The following IL1RAPL1 variants were observed in gnomAD, a reference collection of about 807,000 sequenced individuals.
IL1RAPL1 encodes interleukin-1 receptor accessory protein-like 1.
A neutral mutation model predicts 48.4 loss-of-function variants in IL1RAPL1; 3 were observed. That is an observed-to-expected ratio of 0.06 (90% CI 0.03 to 0.16). The LOEUF (loss-of-function observed/expected upper bound fraction) is 0.16. Among genes scored for constraint, IL1RAPL1 ranks in the 10% least tolerant of loss-of-function variants. The probability of loss-of-function intolerance (pLI) is 1.00; values close to 1 mark genes in which losing one functional copy is unlikely to be tolerated. For synonymous variants in IL1RAPL1, 185 were observed against 187.7 expected, an observed-to-expected ratio of 0.99 and a Z score of 0.12; for missense variants, 349 against 530.6, an observed-to-expected ratio of 0.66 and a Z score of 3.36.
At chrX:29,723,423 A>G (rs1927692653) in intron 6 of IL1RAPL1, among the ~76,000 whole-genome samples, 1 of 111,234 alleles carries the variant, frequency 9.0e-6, no homozygotes, top group Non-Finnish European at 1.9e-5. Context: ...TTATTTTTGT[A>G]TTTTTAGTAG....
At chrX:28,687,829 C>T (rs1252888335) in intron 1 of IL1RAPL1, among the ~76,000 whole-genome samples, 1 of 109,190 alleles carries the variant, frequency 9.2e-6, no homozygotes, top group African/African-American at 3.3e-5. Context: ...AGGGGGTGCG[C>T]GGTGGCTCAC....
At chrX:29,407,656 T>A (rs141606950) in intron 5 of IL1RAPL1, among the ~76,000 whole-genome samples, 2 of 111,891 alleles carry the variant, frequency 1.8e-5, no homozygotes, top group African/African-American at 6.5e-5. Context: ...GTAGGATTTT[T>A]ACCTAGGAAA....
intron 2 of IL1RAPL1, among the ~76,000 whole-genome samples, chrX:29,217,168 G>T (rs1361044775): frequency 8.9e-6 from 1 of 112,063 alleles, no homozygotes; most frequent in Non-Finnish European, 1.9e-5. Flanking sequence ...ATGATGGACT[G>T]CCCTTTTCAA....
intron 6 of IL1RAPL1, among the ~76,000 whole-genome samples, chrX:29,869,281 G>T (rs1378638057): frequency 3.6e-5 from 4 of 111,892 alleles, no homozygotes; most frequent in Non-Finnish European, 7.5e-5. Context: ...TAGCGTTGTG[G>T]ATTGTCAAAG....
At chrX:29,253,320 A>C (rs1026539234) in intron 2 of IL1RAPL1, among the ~76,000 whole-genome samples, 1 of 111,285 alleles carries the variant, frequency 9.0e-6, no homozygotes, top group Admixed American at 9.7e-5. Context: ...ATAGATTAAA[A>C]ATAGTGTAAA....
chrX:28,911,101 TGAA>T (rs1316796122), intron 2 of IL1RAPL1, among the ~76,000 whole-genome samples: 1 of 111,510 alleles, frequency 9.0e-6, no homozygotes, highest in Non-Finnish European at 1.9e-5. Flanking sequence ...ATATTTGAAA[TGAA>T]GGAGAAAAAG....
chrX:29,513,919 CTTTT>C (rs1207151696), intron 5 of IL1RAPL1, among the ~76,000 whole-genome samples: 2 of 111,463 alleles, frequency 1.8e-5, no homozygotes, highest in African/African-American at 6.5e-5. Context: ...AGATGACAAA[CTTTT>C]TTAGGTCAAA....
chrX:28,895,020 G>A (rs1011220088), intron 2 of IL1RAPL1, among the ~76,000 whole-genome samples: 1 of 111,087 alleles, frequency 9.0e-6, no homozygotes. Flanking sequence ...TGCTGAGCCT[G>A]ATGGGTGTCA....
intron 5 of IL1RAPL1, among the ~76,000 whole-genome samples, chrX:29,621,867 A>G (rs1176348013): frequency 9.0e-6 from 1 of 111,635 alleles, no homozygotes; most frequent in Non-Finnish European, 1.9e-5. Flanking sequence ...ACTAGGTCTT[A>G]TTTTTTTCTA....
At chrX:29,320,894 G>A (rs1263941918) in intron 3 of IL1RAPL1, among the ~76,000 whole-genome samples, 1 of 110,842 alleles carries the variant, frequency 9.0e-6, no homozygotes, top group African/African-American at 3.3e-5. Flanking sequence ...ATTTTATGTT[G>A]AGTAACTCAT....
intron 2 of IL1RAPL1, among the ~76,000 whole-genome samples, chrX:29,266,490 C>T (rs995046937): frequency 9.0e-6 from 1 of 111,422 alleles, no homozygotes; most frequent in Non-Finnish European, 1.9e-5. Flanking sequence ...CAGTAGTCAT[C>T]ATTAATAGGA....
intron 2 of IL1RAPL1, among the ~76,000 whole-genome samples, chrX:29,006,306 G>T (rs927455930): frequency 1.8e-5 from 2 of 110,455 alleles, no homozygotes; most frequent in African/African-American, 6.6e-5. Context: ...CTGAGGTCAG[G>T]AGTTCGAGAC....
intron 2 of IL1RAPL1, among the ~76,000 whole-genome samples, chrX:29,107,062 A>G (rs1250743538): frequency 8.9e-5 from 10 of 112,022 alleles, no homozygotes; most frequent in Admixed American, 9.5e-5. Context: ...TCTTTTATGT[A>G]AAATCTAGTT....
At chrX:29,176,932 A>G (rs750140280) in intron 2 of IL1RAPL1, among the ~76,000 whole-genome samples, 6 of 111,355 alleles carry the variant, frequency 5.4e-5, no homozygotes, top group Non-Finnish European at 9.4e-5. Flanking sequence ...AATTTACCCA[A>G]CGTTTTGTTC....
chrX:29,052,616 G>A (rs1489810956), intron 2 of IL1RAPL1, among the ~76,000 whole-genome samples: 1 of 99,456 alleles, frequency 1.0e-5, no homozygotes, highest in Non-Finnish European at 2.0e-5. Flanking sequence ...CTCTTATCTT[G>A]TCTGAATTTG....
chrX:29,353,257 A>C (rs180740868), intron 3 of IL1RAPL1, among the ~76,000 whole-genome samples: 144 of 111,791 alleles, frequency 1.3e-3, no homozygotes, highest in African/African-American at 4.5e-3. Context: ...AAGACCACTT[A>C]GGCTGTCAGA....
Position 28,710,076 on chromosome X carries a change from G to A in IL1RAPL1, c.-24-79244G>A, listed in dbSNP as rs1370794999. Among the ~76,000 whole-genome samples the A allele has an allele frequency of 4.5e-5, 5 of 111,166 alleles. No homozygotes were observed. The East Asian group carries it at 1.1e-3, about 25-fold the overall frequency. On this transcript the variant is annotated intron_variant, in intron 1 of 10. Coordinates refer to ENST00000378993, the MANE Select transcript of IL1RAPL1 (RefSeq NM_014271.4). ...AACAAAGTGATTTGATGAACAATAT[G>A]TATAATATGATTCTATTTTAAAAAT...
intron 5 of IL1RAPL1, among the ~76,000 whole-genome samples, chrX:29,565,364 CAAAAG>C (rs1269103608): frequency 9.2e-6 from 1 of 108,227 alleles, no homozygotes; most frequent in Non-Finnish European, 1.9e-5. Context: ...CTAAAAATCT[CAAAAG>C]AACACAACTA....
At chrX:28,912,231 G>A (rs1320446560) in intron 2 of IL1RAPL1, among the ~76,000 whole-genome samples, 1 of 109,541 alleles carries the variant, frequency 9.1e-6, no homozygotes, top group Non-Finnish European at 1.9e-5. Flanking sequence ...AGCAACAAAG[G>A]CAACAAATTG....
Sources: gnomAD v4.1 joint callset for allele counts (sites outside exome capture counted in the v4.1 genomes callset) on GRCh38, gnomAD v4.1.1 for gene constraint, MANE v1.5 for transcripts, NCBI Gene and HGNC (gene_info 2026-07-23, HGNC 2026-07-21) for gene names.